BRINP3: variants seen among roughly 807,000 people sequenced by gnomAD.
The protein encoded by BRINP3 is BMP/retinoic acid-inducible neural-specific protein 3.
BRINP3 carries 19 observed loss-of-function variants against 71.0 expected under a neutral mutation model. The ratio of observed to expected loss-of-function variants is 0.27; its 90% CI spans 0.19 to 0.39. The LOEUF (loss-of-function observed/expected upper bound fraction) is 0.39. BRINP3 is among the 10% of genes least tolerant of loss of function. The pLI is 1.00. For synonymous variants in BRINP3, 380 were observed against 337.7 expected (o/e 1.13, Z -1.37); for missense variants, 959 against 940.8 (o/e 1.02, Z -0.25).
intron 2 of BRINP3, among the ~76,000 whole-genome samples, chr1:190,413,318 T>C (rs1672811065): frequency 6.6e-6 from 1 of 152,162 alleles, no homozygotes; most frequent in African/African-American, 2.4e-5. Context: ...GTGCAAAATA[T>C]CATACAACTA....
chr1:190,203,477 G>GTATA (rs1419268045), intron 6 of BRINP3, among the ~76,000 whole-genome samples: 2 of 147,414 alleles, frequency 1.4e-5, no homozygotes, highest in Non-Finnish European at 3.0e-5. Flanking sequence ...GTGTGTGTGT[G>GTATA]TGTATATATA....
At chr1:190,156,887 T>C (rs1230139644) in intron 7 of BRINP3, among the ~76,000 whole-genome samples, 5 of 152,110 alleles carry the variant, frequency 3.3e-5, no homozygotes, top group African/African-American at 4.8e-5. Flanking sequence ...AACTGGGATT[T>C]CAGCTTCCCA....
intron 1 of BRINP3, among the ~76,000 whole-genome samples, chr1:190,473,540 C>CTTTTTTTTTTTTT (rs201424484): frequency 7.5e-6 from 1 of 133,078 alleles, no homozygotes; most frequent in Non-Finnish European, 1.6e-5. Context: ...TAATTTTTCT[C>CTTTTTTTTTTTTT]TTTTTTTTTT....
intron 7 of BRINP3, among the ~76,000 whole-genome samples, chr1:190,125,162 A>C (rs1653982296): frequency 6.6e-6 from 1 of 151,972 alleles, no homozygotes; most frequent in Non-Finnish European, 1.5e-5. Context: ...GGGTAGTTTC[A>C]ACCAAATAAA....
chr1:190,447,971 A>G (rs1272391671), intron 2 of BRINP3, among the ~76,000 whole-genome samples: 1 of 151,712 alleles, frequency 6.6e-6, no homozygotes, highest in East Asian at 1.9e-4. Flanking sequence ...TTTAGGTGGA[A>G]TACTTGTAGG....
chr1:190,445,996 T>C (rs1675194579), intron 2 of BRINP3, among the ~76,000 whole-genome samples: 1 of 152,148 alleles, frequency 6.6e-6, no homozygotes. Context: ...TTATTACTTA[T>C]AAATTGTTTT....
At chr1:190,342,129 G>T (rs115307380) in intron 2 of BRINP3, among the ~76,000 whole-genome samples, 1 of 151,052 alleles carries the variant, frequency 6.6e-6, no homozygotes, top group African/African-American at 2.4e-5. Flanking sequence ...GCATTTATCT[G>T]GTTCTCTGTC....
Position 190,099,113 on chromosome 1 carries a change from A to G in BRINP3, c.1206T>C (p.Thr402=), listed in dbSNP as rs760751290. 11 of 1,613,762 alleles carry G rather than the reference A, an allele frequency of 6.8e-6. No homozygotes were observed. In the South Asian group the frequency reaches 1.2e-4, roughly 18 times the overall value. Residue 402 remains threonine, a synonymous_variant, in exon 8 of 8, where the codon ACT becomes ACC. Transcript: ENST00000367462. ...PRQRTSTYWL[T]RIQSFLYCNE... is the part of the protein sequence containing the mutation. ...TGCAGTAGAGAAAAGACTGGATGCGAGTAAGCCAGTAGGTTGAGGTTCTAG... is the reference window on the plus strand; with the variant it reads ...TGCAGTAGAGAAAAGACTGGATGCGGGTAAGCCAGTAGGTTGAGGTTCTAG...
At chr1:190,152,491 AATATATATAT>A (rs141753835) in intron 7 of BRINP3, among the ~76,000 whole-genome samples, 1 of 141,734 alleles carries the variant, frequency 7.1e-6, no homozygotes, top group East Asian at 2.1e-4. Context: ...TACATGCACA[AATATATATAT>A]ATATATATAT....
At chr1:190,318,308 G>T (rs755775384) in intron 2 of BRINP3, among the ~76,000 whole-genome samples, 1 of 152,014 alleles carries the variant, frequency 6.6e-6, no homozygotes, top group African/African-American at 2.4e-5. Context: ...AGCATTGGGG[G>T]CATGTAATGA....
chr1:190,289,879 T>C (rs1310281870), intron 2 of BRINP3, among the ~76,000 whole-genome samples: 1 of 152,056 alleles, frequency 6.6e-6, no homozygotes, highest in Non-Finnish European at 1.5e-5. Flanking sequence ...TCTGTGAACT[T>C]ACTTGTGTCA....
intron 2 of BRINP3, among the ~76,000 whole-genome samples, chr1:190,416,235 A>T (rs1672995991): frequency 6.6e-6 from 1 of 152,186 alleles, no homozygotes; most frequent in African/African-American, 2.4e-5. Flanking sequence ...AATATTAATC[A>T]TTATATAAGA....
chr1:190,264,402 C>A (rs951583147), intron 4 of BRINP3, among the ~76,000 whole-genome samples: 1 of 152,108 alleles, frequency 6.6e-6, no homozygotes, highest in Non-Finnish European at 1.5e-5. Context: ...ATCTTAAAAA[C>A]ATTGAGGGGT....
chr1:190,260,119 A>G (rs931294561), intron 4 of BRINP3, among the ~76,000 whole-genome samples: 1 of 151,834 alleles, frequency 6.6e-6, no homozygotes, highest in Non-Finnish European at 1.5e-5. Context: ...AGTGGTTACT[A>G]GGATGGGAGA....
At chr1:190,158,087 TCATCTTGAATTAC>T (rs1657022448) in intron 7 of BRINP3, among the ~76,000 whole-genome samples, 1 of 152,068 alleles carries the variant, frequency 6.6e-6, no homozygotes, top group Non-Finnish European at 1.5e-5. Context: ...CACCCAAATC[TCATCTTGAATTAC>T]CACATGTTGT....
At chr1:190,106,394 A>T (rs1557971594) in intron 7 of BRINP3, among the ~76,000 whole-genome samples, 1 of 151,712 alleles carries the variant, frequency 6.6e-6, no homozygotes, top group African/African-American at 2.4e-5. Context: ...CAAAACCTTT[A>T]TTGCTCTTAA....
In BRINP3 at chr1:190,367,178, G is replaced by A. The variant is rs1489213390; in HGVS notation, c.237-85428C>T. Among the ~76,000 whole-genome samples, 3 of 152,192 alleles carry A rather than the reference G, an allele frequency of 2.0e-5. No individual in the cohort carries two copies. In the East Asian group the frequency reaches 5.8e-4, roughly 29 times the overall value. On this transcript the variant is annotated intron_variant, in intron 2 of 7. Coordinates refer to ENST00000367462, the MANE Select transcript of BRINP3 (RefSeq NM_199051.3). ...CATTCCACCCATGTAGAACACTTCT[G>A]CCTAGACATGCAGGCATTTCCACAC...
chr1:190,427,319 T>C (rs1289727999), intron 2 of BRINP3, among the ~76,000 whole-genome samples: 1 of 151,976 alleles, frequency 6.6e-6, no homozygotes, highest in African/African-American at 2.4e-5. Context: ...TTTAAAATAC[T>C]CTGTGTGCAC....
At chr1:190,252,444 C>T (rs1376090755) in intron 4 of BRINP3, among the ~76,000 whole-genome samples, 1 of 152,086 alleles carries the variant, frequency 6.6e-6, no homozygotes, top group African/African-American at 2.4e-5. Flanking sequence ...TACTCCACTA[C>T]ACTGAAGCAG....
Sources: gnomAD v4.1 joint callset for allele counts (sites outside exome capture counted in the v4.1 genomes callset) on GRCh38, gnomAD v4.1.1 for gene constraint, MANE v1.5 for transcripts, NCBI Gene and HGNC (gene_info 2026-07-23, HGNC 2026-07-21) for gene names.